OSBPL1A: variants seen among roughly 807,000 people sequenced by gnomAD.
The protein encoded by OSBPL1A is oxysterol-binding protein-related protein 1.
A neutral mutation model predicts 137.1 loss-of-function variants in OSBPL1A; 80 were observed. The ratio of observed to expected loss-of-function variants is 0.58; its 90% confidence interval spans 0.49 to 0.70. The LOEUF (loss-of-function observed/expected upper bound fraction) is 0.70. Among genes scored for constraint, OSBPL1A ranks in the 30% least tolerant of loss-of-function variants. The pLI, the probability that OSBPL1A is intolerant of heterozygous loss-of-function variation, is 0.00. For synonymous variants in OSBPL1A, 365 were observed against 389.7 expected, an observed-to-expected ratio of 0.94 and a Z score of 0.75; for missense variants, 970 against 1,129.4, an observed-to-expected ratio of 0.86 and a Z score of 2.02.
chr18:24,374,664 A>T (rs1905944255), intron 2 of OSBPL1A, among the ~76,000 whole-genome samples: 1 of 152,206 alleles, frequency 6.6e-6, no homozygotes, highest in Admixed American at 6.5e-5. Context: ...CAAGAAGGGA[A>T]CAGGAGTGTG....
At chr18:24,255,579 C>T (rs2089247638) in intron 15 of OSBPL1A, among the ~76,000 whole-genome samples, 1 of 151,988 alleles carries the variant, frequency 6.6e-6, no homozygotes, top group African/African-American at 2.4e-5. Context: ...AAGCCTCTTC[C>T]CTCCTTCCAG....
At chr18:24,368,251 T>A (rs1400780375) in intron 3 of OSBPL1A, 36 bp downstream of exon 3, 1 of 1,485,254 alleles carries the variant, frequency 6.7e-7, no homozygotes, top group Non-Finnish European at 9.3e-7. Flanking sequence ...CAATAATATT[T>A]ACTGTAGTCA....
rs369517191 is a variant in OSBPL1A at position 24,386,682 on chromosome 18, G to A, written c.-2-9147C>T. ...AGTTAATAAAAATGAAGTACAGGCC[G>A]GGCATGGTGGCTCATGTTTGTAATC... is the stretch of plus-strand genomic sequence containing the variant. On this transcript the variant is annotated intron_variant, in intron 1 of 27. Transcript: ENST00000319481. Among the ~76,000 whole-genome samples, 81 of 152,232 alleles carry A rather than the reference G, an allele frequency of 5.3e-4. No homozygotes were observed. The East Asian group carries it at 7.3e-3, about 14-fold the overall frequency.
chr18:24,372,359 T>C (rs990412716), intron 2 of OSBPL1A, among the ~76,000 whole-genome samples: 3 of 152,106 alleles, frequency 2.0e-5, no homozygotes, highest in African/African-American at 7.2e-5. Flanking sequence ...TGCTGTTGAC[T>C]TCAAAATCCA....
chr18:24,257,365 A>G (rs1305946368), intron 15 of OSBPL1A, among the ~76,000 whole-genome samples: 3 of 152,204 alleles, frequency 2.0e-5, no homozygotes, highest in Admixed American at 2.0e-4. Context: ...GGTACCAAGA[A>G]CATATATTGG....
intron 25 of OSBPL1A, among the ~76,000 whole-genome samples, chr18:24,167,024 C>T (rs1227395792): frequency 6.6e-6 from 1 of 152,188 alleles, no homozygotes; most frequent in East Asian, 1.9e-4. Context: ...AGGGCTGGTA[C>T]TGACTAGGCT....
At chr18:24,363,308 C>T (rs147109551) in intron 4 of OSBPL1A, among the ~76,000 whole-genome samples, 97 of 152,272 alleles carry the variant, frequency 6.4e-4, no homozygotes, top group Middle Eastern at 3.4e-3. Flanking sequence ...TTGCTTTTCC[C>T]GTTGCTAGAG....
At chr18:24,228,145 C>T (rs960105184) in intron 16 of OSBPL1A, among the ~76,000 whole-genome samples, 2 of 152,124 alleles carry the variant, frequency 1.3e-5, no homozygotes, top group Non-Finnish European at 2.9e-5. Flanking sequence ...TGCGTGGGAC[C>T]ACTGCACTGA....
intron 14 of OSBPL1A, among the ~76,000 whole-genome samples, chr18:24,290,032 C>CCA (rs1185741396): frequency 6.6e-6 from 1 of 151,974 alleles, no homozygotes; most frequent in African/African-American, 2.4e-5. Flanking sequence ...TAGGGACTAT[C>CCA]TATACGTCAA....
intron 17 of OSBPL1A, among the ~76,000 whole-genome samples, chr18:24,199,007 G>A (rs539693521): frequency 1.4e-4 from 21 of 151,814 alleles, no homozygotes; most frequent in Middle Eastern, 3.4e-3. Flanking sequence ...ACAGGTACCC[G>A]CCACCATGCC....
intron 15 of OSBPL1A, among the ~76,000 whole-genome samples, chr18:24,253,045 A>AG (rs1443663837): frequency 6.6e-6 from 1 of 151,988 alleles, no homozygotes; most frequent in African/African-American, 2.4e-5. Flanking sequence ...CAGGAAGGAA[A>AG]GAAGGAAGGA....
intron 17 of OSBPL1A, among the ~76,000 whole-genome samples, chr18:24,199,500 C>T (rs2087148771): frequency 6.6e-6 from 1 of 152,124 alleles, no homozygotes; most frequent in Non-Finnish European, 1.5e-5. Context: ...CTCCTACCCC[C>T]AAACAGTATG....
At position 24,317,341 on chromosome 18, in the gene OSBPL1A, T is replaced by C. The variant is rs775988179; in HGVS notation, c.792A>G (p.Ser264=). Residue 264 remains serine (S), a synonymous_variant, in exon 10 of 28, where the codon TCA becomes TCG. Transcript: ENST00000319481. ...FWVVLEHGVL[S]WYRKQPDAVH... ...ATAATACTTACTGTTTCCTATACCA[T>C]GAAAGGACTCCATGCTCTAACACTA... 1.2e-6 allele frequency: 2 copies of C among 1,613,684 alleles called. No homozygotes were observed. Among genetic ancestry groups the C allele is most frequent in the East Asian group, 2.2e-5 (1 of 44,838 alleles).
chr18:24,293,205 G>A (rs1383715363), intron 14 of OSBPL1A, among the ~76,000 whole-genome samples: 1 of 151,624 alleles, frequency 6.6e-6, no homozygotes, highest in Non-Finnish European at 1.5e-5. Flanking sequence ...GAGGAGGGTT[G>A]AAGTAACAGA....
At chr18:24,224,351 A>G (rs777623599) in intron 17 of OSBPL1A, among the ~76,000 whole-genome samples, 9 of 152,244 alleles carry the variant, frequency 5.9e-5, no homozygotes, top group Non-Finnish European at 1.3e-4. Context: ...AGTAATTTTT[A>G]TAATGACAAC....
chr18:24,341,499 G>T (rs1447184589), intron 5 of OSBPL1A, 48 bp downstream of exon 5: 1 of 1,437,872 alleles, frequency 7.0e-7, no homozygotes, highest in Non-Finnish European at 9.7e-7. Flanking sequence ...CAGAACCTTG[G>T]TTATAATGAA....
intron 21 of OSBPL1A, among the ~76,000 whole-genome samples, chr18:24,175,116 A>ATATG (rs1555625045): frequency 6.1e-5 from 2 of 32,800 alleles, no homozygotes; most frequent in African/African-American, 1.2e-4. Context: ...ATGTATATAT[A>ATATG]TATATATATA....
Position 24,271,977 on chromosome 18 carries a change from A to G in OSBPL1A, c.1281+8865T>C. ...CCCGCCCTCCGGGGCTCGCGGGGAG[A>G]GCGCGGGCGGGCGGCGGCAAGGCCT... On this transcript the variant is annotated intron_variant, in intron 15 of 27. Coordinates refer to ENST00000319481, the MANE Select transcript of OSBPL1A (RefSeq NM_080597.4). The surrounding 1 kb of genome is among the most constrained non-coding windows in gnomAD (Gnocchi z 4.0). 2.0e-6 allele frequency: 2 copies of G among 981,666 alleles called. No homozygotes were observed. The highest frequency in any genetic ancestry group is 2.4e-6 in the Non-Finnish European group (2 of 828,676). 60.8% of individuals were successfully genotyped at this position (981,666 alleles called of 1,614,324 possible).
intron 1 of OSBPL1A, among the ~76,000 whole-genome samples, chr18:24,393,614 G>C (rs1420101641): frequency 6.6e-6 from 1 of 152,076 alleles, no homozygotes; most frequent in Non-Finnish European, 1.5e-5. Context: ...CACCACGCCT[G>C]GCTAATTTTT....
Sources: allele counts gnomAD v4.1 joint callset (sites outside exome capture counted in the v4.1 genomes callset), GRCh38; gene constraint gnomAD v4.1.1; non-coding constraint Gnocchi (gnomAD v3.1); transcripts MANE v1.5; gene names NCBI Gene and HGNC (gene_info 2026-07-23, HGNC 2026-07-21).